The following CTNNA3 variants were observed in gnomAD, a reference collection of about 807,000 sequenced individuals.
The protein encoded by CTNNA3 is catenin alpha 3.
CTNNA3 carries 76 observed loss-of-function variants against 95.7 expected under a neutral mutation model. The ratio of observed to expected loss-of-function variants is 0.79; its 90% CI spans 0.66 to 0.96. The LOEUF is 0.96. Among genes scored for constraint, CTNNA3 ranks in the 40% least tolerant of loss-of-function variants. The pLI, the probability that CTNNA3 is intolerant of heterozygous loss-of-function variation, is 0.00. For synonymous variants in CTNNA3, 431 were observed against 374.4 expected (o/e 1.15, Z -1.74); for missense variants, 1,191 against 1,089.8 (o/e 1.09, Z -1.31).
chr10:67,656,864 A>G (rs1840039454), intron 1 of CTNNA3, among the ~76,000 whole-genome samples: 1 of 152,224 alleles, frequency 6.6e-6, no homozygotes, highest in Non-Finnish European at 1.5e-5. Context: ...TCAGAAAGGT[A>G]TGGAGGCTGC....
At position 66,766,393 on chromosome 10, in the gene CTNNA3, A is replaced by G. The variant is rs761196310; in HGVS notation, c.1152T>C (p.His384=). 4 of 1,613,554 alleles carry G rather than the reference A, an allele frequency of 2.5e-6. No individual in the cohort carries two copies. The East Asian group carries it at 8.9e-5, about 36-fold the overall frequency. Residue 384 remains histidine, a synonymous_variant, in exon 9 of 18, where the codon CAT becomes CAC. Coordinates refer to ENST00000433211, the MANE Select transcript of CTNNA3 (RefSeq NM_013266.4). ...TCGTATCCAGGAAAGAGTCTGACAC[A>G]TGATCTATAATAGCCTTGCGGAGCT... ...RRQLRKAIID[H]VSDSFLDTTV... is the part of the protein sequence containing the mutation.
At chr10:66,943,091 A>G (rs1848096033) in intron 7 of CTNNA3, among the ~76,000 whole-genome samples, 1 of 152,204 alleles carries the variant, frequency 6.6e-6, no homozygotes, top group Non-Finnish European at 1.5e-5. Context: ...TTGGAAATTT[A>G]CTTCACAAAG....
chr10:66,550,730 T>C (rs1336096797), intron 10 of CTNNA3, among the ~76,000 whole-genome samples: 1 of 152,178 alleles, frequency 6.6e-6, no homozygotes, highest in Non-Finnish European at 1.5e-5. Flanking sequence ...TTTGATTATT[T>C]GAATATTTTT....
chr10:67,021,867 C>T (rs1043212470), intron 7 of CTNNA3, among the ~76,000 whole-genome samples: 23 of 152,120 alleles, frequency 1.5e-4, no homozygotes, highest in African/African-American at 5.5e-4. Context: ...GAGTGAAGTA[C>T]TAGGAGTTTG....
intron 9 of CTNNA3, among the ~76,000 whole-genome samples, chr10:66,647,409 T>C (rs1361626723): frequency 6.6e-6 from 1 of 152,192 alleles, no homozygotes; most frequent in Non-Finnish European, 1.5e-5. Context: ...AGTTATTAAT[T>C]AACTATATTT....
chr10:67,231,642 T>C (rs1234338372), intron 5 of CTNNA3, among the ~76,000 whole-genome samples: 1 of 152,116 alleles, frequency 6.6e-6, no homozygotes, highest in Non-Finnish European at 1.5e-5. Context: ...AGGAACACAG[T>C]TCCTCACCAG....
At chr10:67,050,472 A>C (rs1334706166) in intron 7 of CTNNA3, among the ~76,000 whole-genome samples, 1 of 152,244 alleles carries the variant, frequency 6.6e-6, no homozygotes, top group African/African-American at 2.4e-5. Flanking sequence ...CATTCAGCTT[A>C]GATTGCAGAA....
At chr10:66,077,248 A>G (rs1305386905) in intron 14 of CTNNA3, among the ~76,000 whole-genome samples, 1 of 151,830 alleles carries the variant, frequency 6.6e-6, no homozygotes, top group African/African-American at 2.4e-5. Context: ...TGTTATTTCT[A>G]GGTAATGGGA....
intron 12 of CTNNA3, among the ~76,000 whole-genome samples, chr10:66,308,471 A>G (rs2091960457): frequency 1.3e-5 from 2 of 152,194 alleles, no homozygotes; most frequent in African/African-American, 4.8e-5. Flanking sequence ...ACTTTTGAGT[A>G]AGGAATATAA....
intron 13 of CTNNA3, among the ~76,000 whole-genome samples, chr10:66,125,607 G>A (rs61858401): frequency 0.14 from 22,055 of 152,156 alleles, 2,058 homozygotes; most frequent in Admixed American, 0.24. Flanking sequence ...AATGTGAAAG[G>A]TCTGCAGCAT....
At position 65,959,010 on chromosome 10, in the gene CTNNA3, G is replaced by A. The variant is rs192421823; in HGVS notation, c.2400+7602C>T. 2.0e-5 allele frequency among the ~76,000 whole-genome samples: 3 copies of A among 152,320 alleles called. No homozygotes were observed. In the East Asian group the frequency reaches 5.8e-4, roughly 29 times the overall value. On this transcript the variant is annotated intron_variant, in intron 17 of 17. Coordinates refer to ENST00000433211, the MANE Select transcript of CTNNA3 (RefSeq NM_013266.4). ...CCAGAGGTGAAGTCTACAGAGGCAG[G>A]CAGGCTTCCTTGAGCTGCGGTGGGC...
At chr10:66,583,607 C>A (rs1445941129) in intron 10 of CTNNA3, among the ~76,000 whole-genome samples, 1 of 151,698 alleles carries the variant, frequency 6.6e-6, no homozygotes, top group Non-Finnish European at 1.5e-5. Context: ...AGTGTTCTAA[C>A]AATTTTATCT....
At chr10:67,342,246 CG>C (rs1842233898) in intron 5 of CTNNA3, among the ~76,000 whole-genome samples, 1 of 151,420 alleles carries the variant, frequency 6.6e-6, no homozygotes, top group South Asian at 2.1e-4. Flanking sequence ...GGACTACAGG[CG>C]CCCACCACCA....
chr10:66,830,851 C>T (rs902606679), intron 7 of CTNNA3, among the ~76,000 whole-genome samples: 6 of 152,086 alleles, frequency 3.9e-5, no homozygotes, highest in South Asian at 4.2e-4. Context: ...CCTCGTGATC[C>T]GCCTGCCTCG....
chr10:67,727,061 TATATA>T lies in CTNNA3; in HGVS notation c.-2+36368_-2+36372del, dbSNP rs576827047. 9.6e-3 allele frequency among the ~76,000 whole-genome samples: 1,105 copies of T among 115,202 alleles called. 56 individuals carry two copies. Among genetic ancestry groups the T allele is most frequent in the African/African-American group, 0.038 (1,045 of 27,714 alleles). The allele number at this position is 115,202 out of a possible 152,430, so 75.6% of individuals were successfully genotyped here. A position where few individuals can be genotyped will look rare whatever the true frequency, so the allele number is the denominator to read the frequency against. On this transcript the variant is annotated intron_variant, in intron 1 of 17. Coordinates refer to the CTNNA3 transcript ENST00000684154. The stretch of plus-strand genomic sequence containing the variant: ...ATATGATACATATATGATATAATTA[TATATA>T]ATATATGATACATATATGATATAAT...
chr10:67,597,859 G>A (rs966541243), intron 3 of CTNNA3, among the ~76,000 whole-genome samples: 1 of 152,208 alleles, frequency 6.6e-6, no homozygotes, highest in Non-Finnish European at 1.5e-5. Flanking sequence ...CAAAGTGGTG[G>A]GTGGAAGCTG....
chr10:67,119,097 T>C (rs937502171), intron 7 of CTNNA3, among the ~76,000 whole-genome samples: 1 of 151,952 alleles, frequency 6.6e-6, no homozygotes, highest in Non-Finnish European at 1.5e-5. Flanking sequence ...AAAACATCAA[T>C]GTGTGTTCAT....
chr10:66,007,660 C>T (rs10996824), intron 15 of CTNNA3, among the ~76,000 whole-genome samples: 70,835 of 149,506 alleles, frequency 0.47, 17,471 homozygotes, highest in East Asian at 0.81. Context: ...TGGAGGGTCT[C>T]ATATTGGTGT....
chr10:66,381,971 G>A (rs2092842925), intron 11 of CTNNA3, among the ~76,000 whole-genome samples: 1 of 152,128 alleles, frequency 6.6e-6, no homozygotes, highest in African/African-American at 2.4e-5. Context: ...TAACCAAGAT[G>A]GCCAAATAGG....
Sources: allele counts gnomAD v4.1 joint callset (sites outside exome capture counted in the v4.1 genomes callset), GRCh38; gene constraint gnomAD v4.1.1; transcripts MANE v1.5; gene names NCBI Gene and HGNC (gene_info 2026-07-23, HGNC 2026-07-21).